The following GCSAM variants were observed in gnomAD, a reference collection of about 807,000 sequenced individuals.
GCSAM encodes the protein germinal center-associated signaling and motility protein.
A neutral mutation model predicts 17.6 loss-of-function variants in GCSAM; 8 were observed. The ratio of observed to expected loss-of-function variants is 0.46; its 90% confidence interval spans 0.27 to 0.82. The LOEUF (loss-of-function observed/expected upper bound fraction) is 0.82. Ranked by LOEUF, GCSAM falls within the 40% of genes least tolerant of loss-of-function variation. GCSAM has a pLI of 0.15. For missense variants in GCSAM, 192 were observed against 213.5 expected (o/e 0.90, Z 0.63); for synonymous variants, 68 against 69.0 (o/e 0.98, Z 0.07).
At chr3:112,124,199 C>G (rs1223895064) in intron 5 of GCSAM, among the ~76,000 whole-genome samples, 1 of 152,186 alleles carries the variant, frequency 6.6e-6, no homozygotes, top group Non-Finnish European at 1.5e-5. Context: ...AAATAAACTT[C>G]TTTTCTTTAT....
chr3:112,130,378 C>G lies in GCSAM; in HGVS notation c.98+67G>C, dbSNP rs1422925561. The G allele has an allele frequency of 2.6e-5, 34 of 1,294,272 alleles. No homozygotes were observed. The East Asian group carries it at 7.6e-4, about 29-fold the overall frequency. 80.2% of individuals were successfully genotyped at this position (1,294,272 alleles called of 1,614,324 possible). On this transcript the variant is annotated intron_variant, in intron 2 of 5. Coordinates refer to ENST00000308910, the MANE Select transcript of GCSAM (RefSeq NM_152785.5). ...CCCTCTCTCACTGGGATGTGAAGTCCAGGGCTTGACATACTTCGTTCTCCT... is the reference window on the plus strand; with the variant it reads ...CCCTCTCTCACTGGGATGTGAAGTCGAGGGCTTGACATACTTCGTTCTCCT...
At chr3:112,132,550 T>A in intron 1 of GCSAM, 4 of 530,862 alleles carry the variant, frequency 7.5e-6, no homozygotes, top group Non-Finnish European at 9.7e-6. Context: ...GATATTGTAT[T>A]ATTATTTCTA....
chr3:112,124,038 T>C (rs1423203171), intron 5 of GCSAM, among the ~76,000 whole-genome samples: 1 of 152,208 alleles, frequency 6.6e-6, no homozygotes, highest in Non-Finnish European at 1.5e-5. Context: ...GTTTGGATAT[T>C]CGTCCCCTGC....
At position 112,122,499 on chromosome 3, in the gene GCSAM, T is replaced by G. The variant is rs1492488; in HGVS notation, c.*956A>C. 2 of 152,086 alleles carry G rather than the reference T, an allele frequency of 1.3e-5. No individual in the cohort carries two copies. The highest frequency in any genetic ancestry group is 4.8e-5 in the African/African-American group (2 of 41,396). 9.4% of individuals were successfully genotyped at this position (152,086 alleles called of 1,614,324 possible). A position where few individuals can be genotyped will look rare whatever the true frequency, so the allele number is the denominator to read the frequency against. On this transcript the variant is annotated 3_prime_UTR_variant, in exon 6 of 6. Coordinates refer to ENST00000308910, the MANE Select transcript of GCSAM (RefSeq NM_152785.5). ...AGAGAAAGTAAATAATCAGGACACA[T>G]AGAGGAGTGCTTATCAGAGAAGGTA...
chr3:112,130,449 ATGTTCTC>A lies in GCSAM; in HGVS notation c.87_93del (p.Gln29HisfsTer158). On this transcript the variant is annotated frameshift_variant, in exon 2 of 6. Transcript: ENST00000308910. LOFTEE classifies it high-confidence loss of function. ...TTTGGTTGATTTTGCTCTCACCTGG[ATGTTCTC>A]TGTTTGGGGCTTTGCATTCTCACAT... 6.2e-7 allele frequency: 1 copy of A among 1,613,742 alleles called. No individual in the cohort carries two copies. The highest frequency in any genetic ancestry group is 8.5e-7 in the Non-Finnish European group (1 of 1,179,772).
intron 1 of GCSAM, chr3:112,130,902 G>T: frequency 4.6e-6 from 1 of 217,566 alleles, no homozygotes; most frequent in South Asian, 8.5e-5. Flanking sequence ...GAAAGGTACT[G>T]GCTTTGTCTT....
intron 4 of GCSAM, 115 bp from the exon 5 acceptor site, chr3:112,125,369 T>G: frequency 9.7e-6 from 7 of 723,880 alleles, no homozygotes; most frequent in Non-Finnish European, 1.7e-5. Context: ...GGGGTAGCTC[T>G]TCTCAGGCTA....
rs1280016508 is a variant in GCSAM, at chr3:112,121,882, A to G, written c.*1573T>C. ...TAACTTTGAGAAGAAAACAGTAACT[A>G]AACATAATGTACCAGGTTCCCTGTC... is the stretch of plus-strand genomic sequence containing the variant. On this transcript the variant is annotated 3_prime_UTR_variant, in exon 6 of 6. Transcript: ENST00000308910. The G allele has an allele frequency of 6.6e-6, 1 of 152,260 alleles. No individual in the cohort carries two copies. 9.4% of individuals were successfully genotyped at this position (152,260 alleles called of 1,614,324 possible). A position where few individuals can be genotyped will look rare whatever the true frequency, so the allele number is the denominator to read the frequency against.
Position 112,122,307 on chromosome 3 carries a change from A to G in GCSAM, c.*1148T>C, listed in dbSNP as rs530185511. On this transcript the variant is annotated 3_prime_UTR_variant, in exon 6 of 6. Transcript: ENST00000308910. ...CATGTCACAATTACTCAACTCTCCC[A>G]TGGTTGAACAATCATAGATAGTAGG... The G allele has an allele frequency of 6.6e-6, 1 of 152,266 alleles. No individual in the cohort carries two copies. The highest frequency in any genetic ancestry group is 1.9e-4 in the East Asian group (1 of 5,178). 9.4% of individuals were successfully genotyped at this position (152,266 alleles called of 1,614,324 possible). A position where few individuals can be genotyped will look rare whatever the true frequency, so the allele number is the denominator to read the frequency against.
Position 112,133,160 on chromosome 3 carries a change from C to T in GCSAM, c.-40G>A. ...CAGGGCTTCCCCTCCGTCCCTTTAC[C>T]ACTTCCTTCTTGCCTTGTGCTCTGA... On this transcript the variant is annotated 5_prime_UTR_variant, in exon 1 of 6. Coordinates refer to ENST00000308910, the MANE Select transcript of GCSAM (RefSeq NM_152785.5). 1 of 1,611,590 alleles carries T rather than the reference C, an allele frequency of 6.2e-7. No individual in the cohort carries two copies.
chr3:112,121,627 T>TGAGGATCTGATCCTGGCC lies in GCSAM; in HGVS notation c.*1810_*1827dup, dbSNP rs2074201912. On this transcript the variant is annotated 3_prime_UTR_variant, in exon 6 of 6. Transcript: ENST00000308910. ...CCACTGCTAACTGAATATTTCCTTT[T>TGAGGATCTGATCCTGGCC]GAGGATCTGATCCTGGCCAAGGATC... The TGAGGATCTGATCCTGGCC allele has an allele frequency of 6.6e-6, 1 of 152,176 alleles. No individual in the cohort carries two copies. Among genetic ancestry groups the TGAGGATCTGATCCTGGCC allele is most frequent in the Admixed American group, 6.5e-5 (1 of 15,276 alleles). 9.4% of individuals were successfully genotyped at this position (152,176 alleles called of 1,614,324 possible).
rs2074497863 is a variant in GCSAM at position 112,133,090 on chromosome 3, A to C, written c.29+2T>G. ...GCTCTCCCACAGGGAGTCTAGACTT[A>C]CCTGTTTTCTCTCAGCAGAGAATTT... On this transcript the variant is annotated splice_donor_variant, in intron 1 of 5. Coordinates refer to ENST00000308910, the MANE Select transcript of GCSAM (RefSeq NM_152785.5). LOFTEE classifies it high-confidence loss of function. 1 of 1,613,262 alleles carries C rather than the reference A, an allele frequency of 6.2e-7. No individual in the cohort carries two copies. The highest frequency in any genetic ancestry group is 1.3e-5 in the African/African-American group (1 of 74,850).
intron 2 of GCSAM, chr3:112,129,968 T>C (rs1182130434): frequency 6.4e-6 from 1 of 156,574 alleles, no homozygotes; most frequent in Non-Finnish European, 1.4e-5. Flanking sequence ...GAAAGGTCTG[T>C]TCAAAAAGAA....
intron 1 of GCSAM, among the ~76,000 whole-genome samples, chr3:112,132,071 A>G (rs1050863435): frequency 1.3e-5 from 2 of 152,222 alleles, no homozygotes; most frequent in African/African-American, 2.4e-5. Context: ...ACATTTGAGC[A>G]TCTCATATCT....
At chr3:112,132,201 T>G (rs982347535) in intron 1 of GCSAM, among the ~76,000 whole-genome samples, 3 of 152,108 alleles carry the variant, frequency 2.0e-5, no homozygotes, top group African/African-American at 4.8e-5. Context: ...GGAAGGGACA[T>G]GAGATATTCC....
At chr3:112,126,352 C>T (rs1424892159) in intron 4 of GCSAM, among the ~76,000 whole-genome samples, 1 of 152,158 alleles carries the variant, frequency 6.6e-6, no homozygotes, top group African/African-American at 2.4e-5. Context: ...ATGGCTTGTC[C>T]TCAGGCCTAC....
At chr3:112,128,171 G>A in intron 2 of GCSAM, 110 bp from the exon 3 acceptor site, 5 of 894,690 alleles carry the variant, frequency 5.6e-6, no homozygotes, top group Non-Finnish European at 9.2e-6. Flanking sequence ...CTCCCCGCAA[G>A]CGTGTTTCAT....
At chr3:112,127,177 A>G (rs1379331347) in intron 3 of GCSAM, 144 bp from the exon 4 acceptor site, 4 of 546,442 alleles carry the variant, frequency 7.3e-6, no homozygotes, top group Non-Finnish European at 1.3e-5. Context: ...GAGTTAAGTA[A>G]AAAAGAAAAA....
In GCSAM at chr3:112,128,334, T is replaced by G. The variant is rs566702619; in HGVS notation, c.99-273A>C. 825 of 605,746 alleles carry G rather than the reference T, an allele frequency of 1.4e-3. 1 individual carries two copies. Among genetic ancestry groups the G allele is most frequent in the Middle Eastern group, 6.2e-3 (14 of 2,260 alleles). The allele number at this position is 605,746 out of a possible 1,614,324, so 37.5% of individuals were successfully genotyped here. A position where few individuals can be genotyped will look rare whatever the true frequency, so the allele number is the denominator to read the frequency against. On this transcript the variant is annotated intron_variant, in intron 2 of 5. Coordinates refer to ENST00000308910, the MANE Select transcript of GCSAM (RefSeq NM_152785.5). Reference sequence around the variant, plus strand: ...CTCACTCTCAATTCTGGTAATTTCCTTGGTTCCCTTGTAATGAAGAACACG... The same window carrying G: ...CTCACTCTCAATTCTGGTAATTTCCGTGGTTCCCTTGTAATGAAGAACACG...
Sources: allele counts gnomAD v4.1 joint callset (sites outside exome capture counted in the v4.1 genomes callset), GRCh38; gene constraint gnomAD v4.1.1; transcripts MANE v1.5; gene names NCBI Gene and HGNC (gene_info 2026-07-23, HGNC 2026-07-21).